GREB1L: variants seen among roughly 807,000 people sequenced by gnomAD.
GREB1L encodes GREB1 like retinoic acid receptor coactivator, also known as GREB1-like protein.
A neutral mutation model predicts 200.8 loss-of-function variants in GREB1L; 17 were observed. The observed-to-expected ratio is 0.08, with a 90% CI of 0.06 to 0.13. The LOEUF (loss-of-function observed/expected upper bound fraction) is 0.13, where lower values mean the gene tolerates loss of function less well. Among genes scored for constraint, GREB1L ranks in the 10% least tolerant of loss-of-function variants. GREB1L has a pLI of 1.00. For missense variants in GREB1L, 1,657 were observed against 2,367.7 expected (o/e 0.70, Z 6.23); for synonymous variants, 789 against 893.0 (o/e 0.88, Z 2.08).
intron 1 of GREB1L, chr18:21,363,772 A>G (rs1028664919): frequency 1.3e-5 from 2 of 152,226 alleles, no homozygotes; most frequent in African/African-American, 2.4e-5. Context: ...GGAAGAGAGC[A>G]AAGATGGATC....
intron 1 of GREB1L, among the ~76,000 whole-genome samples, chr18:21,252,353 T>C (rs1222708284): frequency 6.6e-6 from 1 of 151,134 alleles, no homozygotes. Flanking sequence ...AGGTCGGGAG[T>C]TCGAGACCAG....
intron 1 of GREB1L, among the ~76,000 whole-genome samples, chr18:21,275,260 T>C (rs2038143419): frequency 6.6e-6 from 1 of 151,694 alleles, no homozygotes; most frequent in African/African-American, 2.4e-5. Context: ...ATAAAAATGT[T>C]GGTTATATTT....
intron 1 of GREB1L, among the ~76,000 whole-genome samples, chr18:21,297,864 A>G (rs1398190506): frequency 6.6e-6 from 1 of 151,998 alleles, no homozygotes; most frequent in African/African-American, 2.4e-5. Flanking sequence ...GGTCATAAAC[A>G]TTCAGCACTC....
chr18:21,359,556 A>T (rs2039553365), intron 1 of GREB1L, among the ~76,000 whole-genome samples: 1 of 152,210 alleles, frequency 6.6e-6, no homozygotes. Context: ...AAGTGATAAT[A>T]TACATTTTAT....
intron 1 of GREB1L, among the ~76,000 whole-genome samples, chr18:21,266,416 T>G (rs1328799200): frequency 6.6e-6 from 1 of 152,206 alleles, no homozygotes. Flanking sequence ...AGATTTACTC[T>G]AATTACCTTT....
intron 7 of GREB1L, among the ~76,000 whole-genome samples, chr18:21,420,096 G>C (rs1168759309): frequency 6.6e-6 from 1 of 152,158 alleles, no homozygotes; most frequent in African/African-American, 2.4e-5. Flanking sequence ...GCCACAGACG[G>C]GCGCGGTGGC....
At chr18:21,403,758 G>A (rs1025431830) in intron 6 of GREB1L, 114 bp from the exon 7 acceptor site, 50 of 789,858 alleles carry the variant, frequency 6.3e-5, no homozygotes, top group Non-Finnish European at 9.8e-5. Context: ...AATTAAAGTG[G>A]CTGCCGCTTA....
At chr18:21,522,102 C>T (rs2037612821) in intron 32 of GREB1L, among the ~76,000 whole-genome samples, 1 of 151,030 alleles carries the variant, frequency 6.6e-6, no homozygotes. Context: ...AGGAGGAACA[C>T]ATGAGAAACA....
chr18:21,410,740 A>C (rs2030886648), intron 7 of GREB1L, among the ~76,000 whole-genome samples: 1 of 152,024 alleles, frequency 6.6e-6, no homozygotes. Flanking sequence ...AGAGTAAAAA[A>C]AAAAGCCATA....
intron 2 of GREB1L, among the ~76,000 whole-genome samples, chr18:21,369,127 A>G (rs2039779363): frequency 6.6e-6 from 1 of 152,204 alleles, no homozygotes; most frequent in Non-Finnish European, 1.5e-5. Flanking sequence ...CATTTGGGAA[A>G]TTGGCGAATT....
Position 21,440,306 on chromosome 18 carries a change from C to G in GREB1L, c.987C>G (p.His329Gln). The G allele has an allele frequency of 6.4e-7, 1 of 1,551,646 alleles. No homozygotes were observed. Among genetic ancestry groups the G allele is most frequent in the Non-Finnish European group, 8.7e-7 (1 of 1,146,924 alleles). ...MFISGPPKKR[H>Q]RGWYPGSPLP... is the part of the protein sequence containing the mutation. ...TTTCTGGGCCACCAAAGAAACGACA[C>G]CGGGGATGGTATCCTGGGTCACCTC... Residue 329 changes from histidine to glutamine, a missense_variant, in exon 9 of 33, where the codon CAC (histidine) becomes CAG (glutamine). This residue lies in a region of GREB1L where 289 missense variants were observed against 345.1 expected (regional missense o/e 0.84). Coordinates refer to ENST00000424526, the MANE Select transcript of GREB1L (RefSeq NM_001142966.3).
At chr18:21,395,297 A>G in intron 4 of GREB1L, 88 bp from the exon 5 acceptor site, 1 of 1,085,614 alleles carries the variant, frequency 9.2e-7, no homozygotes, top group Non-Finnish European at 1.4e-6. Flanking sequence ...GTGATTCTCA[A>G]AAATAAATCT....
At chr18:21,466,952 C>T (rs1029876264) in intron 15 of GREB1L, among the ~76,000 whole-genome samples, 1 of 152,226 alleles carries the variant, frequency 6.6e-6, no homozygotes, top group East Asian at 1.9e-4. Flanking sequence ...AAATAAACCT[C>T]CCATTTACAA....
chr18:21,472,937 C>A, intron 15 of GREB1L, 94 bp from the exon 16 acceptor site: 2 of 775,072 alleles, frequency 2.6e-6, no homozygotes, highest in South Asian at 2.3e-5. Context: ...CAGTTGGTAC[C>A]CAGTGTCAGC....
At chr18:21,322,517 T>C (rs1326239640) in intron 1 of GREB1L, among the ~76,000 whole-genome samples, 3 of 152,172 alleles carry the variant, frequency 2.0e-5, no homozygotes, top group Admixed American at 2.0e-4. Context: ...TAAATTGTTA[T>C]ATAAATACAA....
chr18:21,478,852 A>C (rs965120346), intron 17 of GREB1L, among the ~76,000 whole-genome samples: 2 of 152,208 alleles, frequency 1.3e-5, no homozygotes, highest in African/African-American at 4.8e-5. Context: ...TGGATTGCCA[A>C]GAGAATGAAT....
At chr18:21,390,124 C>T (rs1343875613) in intron 4 of GREB1L, among the ~76,000 whole-genome samples, 2 of 152,114 alleles carry the variant, frequency 1.3e-5, no homozygotes, top group Non-Finnish European at 2.9e-5. Context: ...ATGCATTACT[C>T]ATGTGTTTGT....
At position 21,401,159 on chromosome 18, in the gene GREB1L, G is replaced by C. The variant is rs1179013922; in HGVS notation, c.542G>C (p.Gly181Ala). Residue 181 changes from glycine (G) to alanine (A), a missense_variant, in exon 6 of 33, where the codon GGA becomes GCA. Gly to Ala is a moderately conservative substitution (Grantham distance 60). Transcript: ENST00000424526. ...HGKNALLGFS[G>A]NCIGCGERGF... ...GTTTTCCTGACTTCAGGGTTTTCTG[G>C]AAATTGTATCGGCTGTGGAGAAAGA... 3.9e-6 allele frequency: 6 copies of C among 1,551,394 alleles called. No homozygotes were observed. The highest frequency in any genetic ancestry group is 5.2e-6 in the Non-Finnish European group (6 of 1,146,880).
In GREB1L at chr18:21,525,012, G is replaced by GTGTGTATATATA. The variant is rs55641891; in HGVS notation, c.*2192_*2193insGTGTATATATAT. The GTGTGTATATATA allele has an allele frequency of 3.7e-4, 54 of 145,178 alleles. No homozygotes were observed. The Middle Eastern group carries it at 0.014, about 39-fold the overall frequency. The allele number at this position is 145,178 out of a possible 1,614,324, so 9.0% of individuals were successfully genotyped here. ...AAGCACAGGACACCATGATTTGTGT[G>GTGTGTATATATA]TATATATATATATATCCTAGTGTGT... On this transcript the variant is annotated 3_prime_UTR_variant, in exon 33 of 33. Coordinates refer to ENST00000424526, the MANE Select transcript of GREB1L (RefSeq NM_001142966.3).
Sources: gnomAD v4.1 joint callset for allele counts (sites outside exome capture counted in the v4.1 genomes callset) on GRCh38, gnomAD v4.1.1 for gene constraint, gnomAD v4.1.1 regional missense constraint, MANE v1.5 for transcripts, NCBI Gene and HGNC (gene_info 2026-07-23, HGNC 2026-07-21) for gene names.